ABLIM1: variants seen among roughly 807,000 people sequenced by gnomAD.
ABLIM1 encodes the protein actin-binding LIM protein 1.
Under a neutral mutation model 107.0 loss-of-function variants are expected in ABLIM1, and 40 were observed. The ratio of observed to expected loss-of-function variants is 0.37; its 90% CI spans 0.29 to 0.49. The LOEUF (loss-of-function observed/expected upper bound fraction) is 0.49. Ranked by LOEUF, ABLIM1 falls within the 20% of genes least tolerant of loss-of-function variation. The pLI is 0.97. For synonymous variants in ABLIM1, 357 were observed against 357.3 expected (o/e 1.00, Z 0.01); for missense variants, 857 against 1,008.5 (o/e 0.85, Z 2.04).
chr10:114,533,367 G>A lies in ABLIM1; in HGVS notation c.894+11638C>T, dbSNP rs2065648643. On this transcript the variant is annotated intron_variant, in intron 6 of 22. Coordinates refer to ENST00000533213, the MANE Select transcript of ABLIM1 (RefSeq NM_002313.7). ...AAAAAAAATAAAATAAAATTTATAA[G>A]CTGACTACTGGTTTGGAATAGAAAA... 2.0e-5 allele frequency among the ~76,000 whole-genome samples: 3 copies of A among 152,014 alleles called. No homozygotes were observed. In the South Asian group the frequency reaches 6.2e-4, roughly 32 times the overall value.
intron 6 of ABLIM1, among the ~76,000 whole-genome samples, chr10:114,541,767 A>AAT (rs2066687609): frequency 1.3e-5 from 2 of 152,358 alleles, no homozygotes; most frequent in East Asian, 3.9e-4. Context: ...AGCCACAGTG[A>AAT]ATGCCAAATG....
chr10:114,467,936 A>G (rs888239713), intron 11 of ABLIM1, among the ~76,000 whole-genome samples: 1 of 152,216 alleles, frequency 6.6e-6, no homozygotes. Flanking sequence ...GCTTCCACTT[A>G]CAGGCACAGA....
At chr10:114,489,828 C>T (rs999712865) in intron 7 of ABLIM1, among the ~76,000 whole-genome samples, 1 of 152,188 alleles carries the variant, frequency 6.6e-6, no homozygotes, top group African/African-American at 2.4e-5. Context: ...GCCGAGAGGG[C>T]ACACAAAGGC....
rs75117866 is a variant in ABLIM1, at chr10:114,603,072, G to A, written c.245-1111C>T. Among the ~76,000 whole-genome samples the A allele has an allele frequency of 3.2e-3, 488 of 152,280 alleles. 1 individual carries two copies. Among genetic ancestry groups the A allele is most frequent in the African/African-American group, 0.011 (457 of 41,550 alleles). On this transcript the variant is annotated intron_variant, in intron 1 of 22. Transcript: ENST00000533213. ...AAACATACTCCTTAAGGAATGACAT[G>A]AGCATTATATGGGACAAGAACATTG... is the stretch of plus-strand genomic sequence containing the variant.
At chr10:114,550,746 T>A (rs748028207) in intron 4 of ABLIM1, among the ~76,000 whole-genome samples, 5 of 152,326 alleles carry the variant, frequency 3.3e-5, no homozygotes, top group South Asian at 2.1e-4. Context: ...AAACCACTGA[T>A]CTTTTCACTG....
At chr10:114,591,970 C>G (rs928364834) in intron 2 of ABLIM1, among the ~76,000 whole-genome samples, 11 of 152,236 alleles carry the variant, frequency 7.2e-5, no homozygotes, top group African/African-American at 2.6e-4. Flanking sequence ...ACCCATATAT[C>G]ACTCAATGAT....
intron 6 of ABLIM1, among the ~76,000 whole-genome samples, chr10:114,496,330 T>G (rs2059661701): frequency 6.6e-6 from 1 of 152,296 alleles, no homozygotes; most frequent in South Asian, 2.1e-4. Context: ...TAAAAAGGAA[T>G]GAGATCATGT....
chr10:114,684,684 G>C, exon 1 of ABLIM1: 1 of 1,098,860 alleles, frequency 9.1e-7, no homozygotes, highest in Non-Finnish European at 1.1e-6. Flanking sequence ...ACTCGTTTCT[G>C]GGAAGCCACT....
chr10:114,645,330 A>G (rs1441944756), intron 1 of ABLIM1, among the ~76,000 whole-genome samples: 3 of 152,086 alleles, frequency 2.0e-5, no homozygotes, highest in Non-Finnish European at 4.4e-5. Context: ...AGACTTCCCA[A>G]TGGATTGAGA....
chr10:114,466,490 CT>C (rs1462573297), intron 11 of ABLIM1, among the ~76,000 whole-genome samples: 6 of 152,052 alleles, frequency 3.9e-5, no homozygotes, highest in Non-Finnish European at 1.5e-5. Flanking sequence ...TATCACCTCC[CT>C]CCCCCACTAA....
At chr10:114,779,990 T>C in the ABLIM1 span, 6 of 152,054 alleles carry the variant, frequency 3.9e-5, no homozygotes, top group Non-Finnish European at 8.8e-5. Flanking sequence ...CATTCACATA[T>C]TAAAAGGGTT....
At chr10:114,561,341 C>T (rs994325378) in intron 4 of ABLIM1, among the ~76,000 whole-genome samples, 16 of 152,198 alleles carry the variant, frequency 1.1e-4, no homozygotes, top group African/African-American at 3.9e-4. Context: ...TGACCTGTCA[C>T]TTAATACACA....
At position 114,465,737 on chromosome 10, in the gene ABLIM1, G is replaced by C; in HGVS notation, c.1402C>G (p.Pro468Ala). 1 of 1,614,160 alleles carries C rather than the reference G, an allele frequency of 6.2e-7. No individual in the cohort carries two copies. Among genetic ancestry groups the C allele is most frequent in the Non-Finnish European group, 8.5e-7 (1 of 1,180,028 alleles). Residue 468 changes from proline to alanine, a missense_variant, in exon 12 of 23, where the codon CCA (proline) becomes GCA (alanine). By Grantham distance (27) the Pro-to-Ala change is conservative (BLOSUM62 -1). Coordinates refer to ENST00000533213, the MANE Select transcript of ABLIM1 (RefSeq NM_002313.7). ...TGCTGGGGAGAGCGGGACGTGGTTG[G>C]AGTGTAGCTGTGGCGGCTGTACACA... is the stretch of plus-strand genomic sequence containing the variant. ...SPVYSRHSYTPTTSRSPQHFH... is the reference protein window; with the variant it reads ...SPVYSRHSYTATTSRSPQHFH...
intron 1 of ABLIM1, among the ~76,000 whole-genome samples, chr10:114,653,853 G>A (rs2079368428): frequency 6.6e-6 from 1 of 152,110 alleles, no homozygotes; most frequent in African/African-American, 2.4e-5. Context: ...CTAACTCATT[G>A]CTGTTGTTAA....
chr10:114,610,933 C>G (rs781488540), intron 1 of ABLIM1, among the ~76,000 whole-genome samples: 6 of 152,112 alleles, frequency 3.9e-5, no homozygotes, highest in Non-Finnish European at 7.4e-5. Context: ...GCAGGCAGAT[C>G]ACGAGGTCAG....
chr10:114,432,038 G>A lies in ABLIM1; in HGVS notation c.*4222C>T, dbSNP rs2058910070. ...CTTTCTTCTATCACAACATAGTTGG[G>A]TAGTTCCCTTAAAGTACATCATTGC... On this transcript the variant is annotated 3_prime_UTR_variant, in exon 23 of 23. Coordinates refer to ENST00000533213, the MANE Select transcript of ABLIM1 (RefSeq NM_002313.7). The A allele has an allele frequency of 6.6e-6, 1 of 152,094 alleles. No homozygotes were observed. The highest frequency in any genetic ancestry group is 2.4e-5 in the African/African-American group (1 of 41,404). 9.4% of individuals were successfully genotyped at this position (152,094 alleles called of 1,614,324 possible).
At chr10:114,622,253 T>TC (rs1293485839) in intron 1 of ABLIM1, among the ~76,000 whole-genome samples, 44 of 150,998 alleles carry the variant, frequency 2.9e-4, no homozygotes, top group African/African-American at 9.2e-4. Context: ...TTTTCTTTTT[T>TC]TTTTTTTTTT....
intron 4 of ABLIM1, among the ~76,000 whole-genome samples, chr10:114,570,731 C>T (rs999406214): frequency 2.2e-4 from 33 of 150,972 alleles, no homozygotes; most frequent in African/African-American, 8.0e-4. Flanking sequence ...ATCTCAGCCT[C>T]CCAAGTGGTT....
intron 12 of ABLIM1, among the ~76,000 whole-genome samples, chr10:114,460,139 A>G (rs2063563098): frequency 6.6e-6 from 1 of 152,192 alleles, no homozygotes; most frequent in South Asian, 2.1e-4. Context: ...CATGGCCCTC[A>G]TATGAAGGAG....
Sources: allele counts gnomAD v4.1 joint callset (sites outside exome capture counted in the v4.1 genomes callset), GRCh38; gene constraint gnomAD v4.1.1; transcripts MANE v1.5; gene names NCBI Gene and HGNC (gene_info 2026-07-23, HGNC 2026-07-21).